The following KIAA1958 variants were observed in gnomAD, a reference collection of about 807,000 sequenced individuals.
KIAA1958 encodes uncharacterized protein KIAA1958.
KIAA1958 carries 14 observed loss-of-function variants against 47.2 expected under a neutral mutation model. The observed-to-expected ratio is 0.30, with a 90% CI of 0.20 to 0.46. KIAA1958 has a LOEUF of 0.46. Among genes scored for constraint, KIAA1958 ranks in the 20% least tolerant of loss-of-function variants. The probability of loss-of-function intolerance (pLI) is 1.00; values close to 1 mark genes in which losing one functional copy is unlikely to be tolerated. For missense variants in KIAA1958, 803 were observed against 909.2 expected (o/e 0.88, Z 1.50); for synonymous variants, 354 against 353.3 (o/e 1.00, Z -0.02).
At chr9:112,502,712 T>C (rs1372699480) in intron 1 of KIAA1958, among the ~76,000 whole-genome samples, 1 of 152,246 alleles carries the variant, frequency 6.6e-6, no homozygotes, top group African/African-American at 2.4e-5. Context: ...ACACCGTTTG[T>C]TGTCTGTGGT....
chr9:112,657,892 T>C (rs990126542), intron 3 of KIAA1958, among the ~76,000 whole-genome samples: 1 of 151,886 alleles, frequency 6.6e-6, no homozygotes. Context: ...GTTTCGCTCT[T>C]GTCACCCAGG....
intron 1 of KIAA1958, among the ~76,000 whole-genome samples, chr9:112,549,483 A>C (rs1835102024): frequency 6.6e-6 from 1 of 152,218 alleles, no homozygotes; most frequent in African/African-American, 2.4e-5. Flanking sequence ...ATGGACTTTC[A>C]ACACTGCTTT....
intron 2 of KIAA1958, among the ~76,000 whole-genome samples, chr9:112,629,658 TTGTC>T (rs1338149117): frequency 3.3e-5 from 5 of 152,268 alleles, no homozygotes; most frequent in African/African-American, 7.2e-5. Flanking sequence ...TGCTTCATAT[TTGTC>T]TGTGTACTTG....
chr9:112,542,165 CAGACCA>C (rs1834955520), intron 1 of KIAA1958, among the ~76,000 whole-genome samples: 1 of 152,014 alleles, frequency 6.6e-6, no homozygotes, highest in Non-Finnish European at 1.5e-5. Flanking sequence ...GTCAAGAGTA[CAGACCA>C]TGAATATGAA....
intron 1 of KIAA1958, among the ~76,000 whole-genome samples, chr9:112,555,773 T>C (rs1835228827): frequency 6.6e-6 from 1 of 152,168 alleles, no homozygotes; most frequent in Admixed American, 6.5e-5. Flanking sequence ...TTAATCACTT[T>C]TTAAAAGCCT....
Position 112,618,996 on chromosome 9 carries a change from C to T in KIAA1958, c.1172-26654C>T, listed in dbSNP as rs2131217621. The T allele has an allele frequency of 2.1e-6, 3 of 1,417,824 alleles. No individual in the cohort carries two copies. Among genetic ancestry groups the T allele is most frequent in the Non-Finnish European group, 2.8e-6 (3 of 1,077,302 alleles). The allele number at this position is 1,417,824 out of a possible 1,614,324, so 87.8% of individuals were successfully genotyped here. On this transcript the variant is annotated intron_variant, in intron 2 of 3. Transcript: ENST00000337530. This position sits in a 1 kb window ranked among gnomAD's most constrained non-coding sequence, Gnocchi z 7.1. ...TTATACACCGCTTCTCGTTCCCCTT[C>T]CTGTGCCCTCAGTGTTAATTCACTT...
chr9:112,655,277 C>T (rs1384574060), intron 3 of KIAA1958, among the ~76,000 whole-genome samples: 1 of 152,082 alleles, frequency 6.6e-6, no homozygotes, highest in Non-Finnish European at 1.5e-5. Context: ...AAGATGGAGT[C>T]ATTTTGTGTT....
At chr9:112,512,457 A>AT (rs1834339018) in intron 1 of KIAA1958, among the ~76,000 whole-genome samples, 2 of 152,198 alleles carry the variant, frequency 1.3e-5, no homozygotes, top group Non-Finnish European at 2.9e-5. Context: ...TTTATTCCTG[A>AT]TTAAAAAAAA....
At chr9:112,614,818 T>C (rs1836383744) in intron 2 of KIAA1958, among the ~76,000 whole-genome samples, 1 of 152,186 alleles carries the variant, frequency 6.6e-6, no homozygotes, top group Non-Finnish European at 1.5e-5. Context: ...TCTTTGTGTA[T>C]GTTAGCATGG....
intron 1 of KIAA1958, among the ~76,000 whole-genome samples, chr9:112,503,163 T>G (rs1456748400): frequency 6.6e-6 from 1 of 152,132 alleles, no homozygotes; most frequent in Non-Finnish European, 1.5e-5. Context: ...TATGAAATAT[T>G]TCAGGGTAAG....
chr9:112,631,414 T>C (rs2131229794), intron 2 of KIAA1958, among the ~76,000 whole-genome samples: 1 of 151,234 alleles, frequency 6.6e-6, no homozygotes, highest in Non-Finnish European at 1.5e-5. Context: ...TGGTCCCAGA[T>C]GCTAGAGAGG....
intron 1 of KIAA1958, among the ~76,000 whole-genome samples, chr9:112,553,077 A>C (rs1231798269): frequency 2.2e-5 from 3 of 136,262 alleles, no homozygotes; most frequent in South Asian, 2.5e-4. Context: ...TCCCCTCCAC[A>C]CCCTTTTCCT....
Position 112,667,787 on chromosome 9 carries a change from A to G in KIAA1958, c.*7718A>G, listed in dbSNP as rs1837370262. ...ATCCAGGAAATATATGAGCTATGTA[A>G]TAGTCTTACAAAGATAATAAGTTGT... On this transcript the variant is annotated 3_prime_UTR_variant, in exon 4 of 4. Coordinates refer to ENST00000337530, the MANE Select transcript of KIAA1958 (RefSeq NM_133465.4). 2.6e-5 allele frequency: 4 copies of G among 152,212 alleles called. No homozygotes were observed. The highest frequency in any genetic ancestry group is 6.5e-5 in the Admixed American group (1 of 15,282). 9.4% of individuals were successfully genotyped at this position (152,212 alleles called of 1,614,324 possible). A position where few individuals can be genotyped will look rare whatever the true frequency, so the allele number is the denominator to read the frequency against.
At chr9:112,565,644 T>C (rs145357796) in intron 1 of KIAA1958, among the ~76,000 whole-genome samples, 2 of 152,374 alleles carry the variant, frequency 1.3e-5, no homozygotes, top group East Asian at 3.8e-4. Flanking sequence ...TTGATTTCAA[T>C]TTGTATGAAA....
At chr9:112,552,496 A>G (rs1394458932) in intron 1 of KIAA1958, among the ~76,000 whole-genome samples, 1 of 152,238 alleles carries the variant, frequency 6.6e-6, no homozygotes, top group African/African-American at 2.4e-5. Context: ...AGGGAGGGTC[A>G]TTATAAGAGG....
At chr9:112,540,294 G>A (rs570732139) in intron 1 of KIAA1958, among the ~76,000 whole-genome samples, 2 of 152,246 alleles carry the variant, frequency 1.3e-5, no homozygotes, top group African/African-American at 4.8e-5. Flanking sequence ...TAAATAGAAA[G>A]CCATGATGTG....
At chr9:112,648,715 C>T (rs1350470470) in intron 3 of KIAA1958, among the ~76,000 whole-genome samples, 1 of 152,060 alleles carries the variant, frequency 6.6e-6, no homozygotes, top group Non-Finnish European at 1.5e-5. Context: ...CACAAGGATC[C>T]AAAAGGATCA....
chr9:112,577,290 T>C (rs1018842595), intron 2 of KIAA1958, among the ~76,000 whole-genome samples: 3 of 152,132 alleles, frequency 2.0e-5, no homozygotes, highest in Non-Finnish European at 4.4e-5. Flanking sequence ...ATCCCATGGA[T>C]TGTCTTTTTC....
chr9:112,588,626 TG>T (rs1835869503), intron 2 of KIAA1958, among the ~76,000 whole-genome samples: 2 of 152,114 alleles, frequency 1.3e-5, no homozygotes, highest in Non-Finnish European at 2.9e-5. Context: ...TTTGTTACTT[TG>T]TGTGTGTGTG....
Sources: allele counts gnomAD v4.1 joint callset (sites outside exome capture counted in the v4.1 genomes callset), GRCh38; gene constraint gnomAD v4.1.1; non-coding constraint Gnocchi (gnomAD v3.1); transcripts MANE v1.5; gene names NCBI Gene and HGNC (gene_info 2026-07-23, HGNC 2026-07-21).